The following STPG4 variants were observed in gnomAD, a reference collection of about 807,000 sequenced individuals.
STPG4 encodes protein STPG4.
In STPG4, 41 loss-of-function variants were observed where a neutral mutation model predicts 31.5. That is an observed-to-expected ratio of 1.30 (90% CI 1.01 to 1.69). STPG4 has a LOEUF of 1.69. Ranked by LOEUF, STPG4 falls within the 40% of genes most tolerant of loss-of-function variation. The pLI is 0.00. For synonymous variants in STPG4, 141 were observed against 103.0 expected, an observed-to-expected ratio of 1.37 and a Z score of -2.24; for missense variants, 375 against 293.4, an observed-to-expected ratio of 1.28 and a Z score of -2.03.
At chr2:47,090,822 A>T (rs1402146287) in intron 5 of STPG4, among the ~76,000 whole-genome samples, 1 of 152,242 alleles carries the variant, frequency 6.6e-6, no homozygotes, top group East Asian at 1.9e-4. Flanking sequence ...TCAGTCCAAA[A>T]AAGTATTCAT....
At chr2:47,152,834 C>T in intron 2 of STPG4, 123 bp downstream of exon 2, 1 of 600,358 alleles carries the variant, frequency 1.7e-6, no homozygotes, top group Non-Finnish European at 2.7e-6. Flanking sequence ...GACATGAGGT[C>T]CATGCAGATC....
In STPG4 at chr2:47,087,123, G is replaced by C; in HGVS notation, c.632C>G (p.Pro211Arg). The change falls in exon 7 of 7, where the codon CCA becomes CGA. Residue 211 changes from proline (P) to arginine (R), a missense_variant. Physicochemically the swap from Pro to Arg is moderately radical, Grantham distance 103. Transcript: ENST00000445927. ...PRFLPSCSKT[P>R]GPGAYTTLRQ... is the part of the protein sequence containing the mutation. ...TAAAGTTGTATATGCTCCTGGGCCT[G>C]GGGTTTTCTGAAAACAGAGCAGAAA... is the stretch of plus-strand genomic sequence containing the variant. 6.4e-7 allele frequency: 1 copy of C among 1,551,662 alleles called. No homozygotes were observed. The highest frequency in any genetic ancestry group is 8.7e-7 in the Non-Finnish European group (1 of 1,146,962).
chr2:47,129,762 T>C, intron 5 of STPG4, 179 bp downstream of exon 5: 1 of 679,850 alleles, frequency 1.5e-6, no homozygotes, highest in Non-Finnish European at 2.4e-6. Flanking sequence ...GATCCCACAC[T>C]TGCTTTTTGG....
At chr2:47,129,800 A>G in intron 5 of STPG4, 141 bp downstream of exon 5, 1 of 1,045,376 alleles carries the variant, frequency 9.6e-7, no homozygotes, top group Non-Finnish European at 1.4e-6. Flanking sequence ...TCTTGTGTGG[A>G]TAATTGTGTG....
At chr2:47,109,420 G>A (rs1399206958) in intron 5 of STPG4, among the ~76,000 whole-genome samples, 2 of 152,110 alleles carry the variant, frequency 1.3e-5, no homozygotes, top group African/African-American at 4.8e-5. Flanking sequence ...AGCTGGGCAT[G>A]GTGGCAGACG....
intron 2 of STPG4, among the ~76,000 whole-genome samples, chr2:47,152,335 T>C (rs4953470): frequency 0.14 from 21,047 of 152,256 alleles, 1,942 homozygotes; most frequent in African/African-American, 0.25. Flanking sequence ...CCAGTGTGGC[T>C]GAATGGCCAG....
intron 5 of STPG4, among the ~76,000 whole-genome samples, chr2:47,090,770 T>C (rs1685555454): frequency 6.6e-6 from 1 of 152,250 alleles, no homozygotes; most frequent in African/African-American, 2.4e-5. Flanking sequence ...GTTAGCTTTA[T>C]AAAAATGCTT....
At chr2:47,112,661 T>C (rs1686065788) in intron 5 of STPG4, among the ~76,000 whole-genome samples, 1 of 152,252 alleles carries the variant, frequency 6.6e-6, no homozygotes, top group Non-Finnish European at 1.5e-5. Context: ...CAGCTCAGAT[T>C]TCTGGTGATT....
intron 5 of STPG4, among the ~76,000 whole-genome samples, chr2:47,126,379 G>T (rs1686365330): frequency 6.6e-6 from 1 of 151,928 alleles, no homozygotes; most frequent in Non-Finnish European, 1.5e-5. Context: ...AGGCTGGACT[G>T]CAGTGGCACA....
Position 47,090,344 on chromosome 2 carries a change from C to A in STPG4, c.550G>T (p.Val184Leu). The change falls in exon 6 of 7, where the codon GTG becomes TTG. Residue 184 changes from valine (V) to leucine (L), a missense_variant. Physicochemically the swap from Val to Leu is conservative, Grantham distance 32. Coordinates refer to ENST00000445927, the MANE Select transcript of STPG4 (RefSeq NM_001163561.2). The part of the protein sequence containing the change: ...HEGPGPGHYN[V>L]KMPPTSSVTS... ...ACAGAGCTTGTTGGAGGCATTTTCA[C>A]ATTATAATGACCTGGACCAGGGCCT... 1 of 1,552,058 alleles carries A rather than the reference C, an allele frequency of 6.4e-7. No individual in the cohort carries two copies. Among genetic ancestry groups the A allele is most frequent in the African/African-American group, 1.4e-5 (1 of 73,166 alleles).
chr2:47,093,591 C>A (rs1388716407), intron 5 of STPG4, among the ~76,000 whole-genome samples: 3 of 152,174 alleles, frequency 2.0e-5, no homozygotes, highest in Non-Finnish European at 4.4e-5. Flanking sequence ...TTTCCCCAGG[C>A]CTAATGCGGC....
intron 5 of STPG4, among the ~76,000 whole-genome samples, chr2:47,116,333 C>G (rs1006854366): frequency 2.6e-5 from 4 of 152,174 alleles, no homozygotes; most frequent in African/African-American, 7.2e-5. Flanking sequence ...TAAACAGGAG[C>G]TCCATTTATT....
intron 5 of STPG4, among the ~76,000 whole-genome samples, chr2:47,099,763 G>A (rs546970739): frequency 1.8e-4 from 28 of 152,376 alleles, no homozygotes; most frequent in East Asian, 5.8e-4. Flanking sequence ...GGGGCTGCGC[G>A]TGGCGCTTGC....
intron 5 of STPG4, among the ~76,000 whole-genome samples, chr2:47,127,905 G>A (rs1272088302): frequency 8.5e-5 from 13 of 152,128 alleles, no homozygotes; most frequent in Non-Finnish European, 1.9e-4. Flanking sequence ...TATGTTTGCC[G>A]ATGTCTGGGC....
chr2:47,098,004 A>G (rs1685709678), intron 5 of STPG4, among the ~76,000 whole-genome samples: 1 of 151,830 alleles, frequency 6.6e-6, no homozygotes, highest in South Asian at 2.1e-4. Flanking sequence ...CAACTTTCTC[A>G]GGTTAACACC....
intron 3 of STPG4, among the ~76,000 whole-genome samples, chr2:47,135,596 A>G (rs1344362495): frequency 6.6e-6 from 1 of 152,152 alleles, no homozygotes; most frequent in Non-Finnish European, 1.5e-5. Context: ...TATATTGGCC[A>G]GGCTGGTCTT....
intron 6 of STPG4, among the ~76,000 whole-genome samples, chr2:47,089,938 G>A (rs1236127912): frequency 6.6e-6 from 1 of 152,176 alleles, no homozygotes; most frequent in Admixed American, 6.5e-5. Context: ...CTGGCTGGCA[G>A]GAGGCAGCCA....
chr2:47,140,072 C>T (rs1047070690), intron 3 of STPG4, among the ~76,000 whole-genome samples: 1 of 152,172 alleles, frequency 6.6e-6, no homozygotes, highest in Non-Finnish European at 1.5e-5. Context: ...CAGCACCCAG[C>T]TGCAGTATCA....
At chr2:47,087,521 T>C (rs1685481001) in intron 6 of STPG4, among the ~76,000 whole-genome samples, 1 of 152,046 alleles carries the variant, frequency 6.6e-6, no homozygotes, top group Non-Finnish European at 1.5e-5. Context: ...TAGCAAGAAG[T>C]GAGTGAAGAG....
Sources: allele counts gnomAD v4.1 joint callset (sites outside exome capture counted in the v4.1 genomes callset), GRCh38; gene constraint gnomAD v4.1.1; transcripts MANE v1.5; gene names NCBI Gene and HGNC (gene_info 2026-07-23, HGNC 2026-07-21).